The following MSRA variants were observed in gnomAD, a reference collection of about 807,000 sequenced individuals.
MSRA encodes mitochondrial peptide methionine sulfoxide reductase.
Under a neutral mutation model 31.3 loss-of-function variants are expected in MSRA, and 54 were observed. The ratio of observed to expected loss-of-function variants is 1.73; its 90% CI spans 1.39 to 2.17. The LOEUF is 2.17. Among genes scored for constraint, MSRA ranks in the 30% most tolerant of loss-of-function variants. The pLI, the probability that MSRA is intolerant of heterozygous loss-of-function variation, is 0.00. For missense variants in MSRA, 507 were observed against 300.9 expected (o/e 1.69, Z -5.07); for synonymous variants, 169 against 116.5 (o/e 1.45, Z -2.90).
chr8:10,347,719 C>T (rs978330540), intron 5 of MSRA, among the ~76,000 whole-genome samples: 7 of 152,324 alleles, frequency 4.6e-5, no homozygotes, highest in African/African-American at 1.4e-4. Flanking sequence ...CTTCAGAGCT[C>T]TCAACCGTAT....
intron 4 of MSRA, among the ~76,000 whole-genome samples, chr8:10,318,535 G>C (rs545043336): frequency 1.3e-5 from 2 of 152,278 alleles, no homozygotes; most frequent in South Asian, 2.1e-4. Context: ...ACATATAGGA[G>C]TTATTCTATC....
intron 1 of MSRA, among the ~76,000 whole-genome samples, chr8:10,072,775 C>G (rs187371656): frequency 6.6e-6 from 1 of 152,212 alleles, no homozygotes; most frequent in South Asian, 2.1e-4. Context: ...CTTCTTTCAT[C>G]AGCGTTTTGT....
At chr8:10,319,246 T>C (rs1225742415) in intron 4 of MSRA, among the ~76,000 whole-genome samples, 1 of 152,226 alleles carries the variant, frequency 6.6e-6, no homozygotes, top group Non-Finnish European at 1.5e-5. Context: ...CATGGTGGCC[T>C]ACAGGGGATC....
At chr8:10,068,279 T>C (rs1797561613) in intron 1 of MSRA, among the ~76,000 whole-genome samples, 1 of 152,248 alleles carries the variant, frequency 6.6e-6, no homozygotes, top group Non-Finnish European at 1.5e-5. Context: ...TGTCTTCTTA[T>C]CTTCTTGACA....
chr8:10,374,962 C>G (rs191619670), intron 5 of MSRA, among the ~76,000 whole-genome samples: 181 of 152,338 alleles, frequency 1.2e-3, no homozygotes, highest in Non-Finnish European at 1.8e-3. Context: ...CTTGCTCCCT[C>G]TCTCACTATG....
chr8:10,104,056 C>T (rs1799709475), intron 1 of MSRA, among the ~76,000 whole-genome samples: 2 of 152,140 alleles, frequency 1.3e-5, no homozygotes, highest in Admixed American at 1.3e-4. Flanking sequence ...AGCGTTATCT[C>T]TATTGCTAAT....
At chr8:10,328,635 A>C (rs1427252001) in intron 5 of MSRA, among the ~76,000 whole-genome samples, 1 of 152,132 alleles carries the variant, frequency 6.6e-6, no homozygotes, top group African/African-American at 2.4e-5. Flanking sequence ...CGCATGGTCT[A>C]CCAGGTCCTT....
intron 4 of MSRA, among the ~76,000 whole-genome samples, chr8:10,309,260 C>T (rs1449990706): frequency 6.6e-6 from 1 of 152,244 alleles, no homozygotes; most frequent in East Asian, 1.9e-4. Flanking sequence ...GAGTGAACCT[C>T]TGTTTCTGCA....
chr8:10,386,423 T>TA (rs1231621723), intron 5 of MSRA, among the ~76,000 whole-genome samples: 11 of 152,178 alleles, frequency 7.2e-5, no homozygotes, highest in Non-Finnish European at 1.5e-4. Context: ...GGAAGGTTTT[T>TA]ATATGATGAT....
intron 5 of MSRA, among the ~76,000 whole-genome samples, chr8:10,397,536 G>C (rs929351133): frequency 2.6e-5 from 4 of 152,218 alleles, no homozygotes; most frequent in Admixed American, 2.0e-4. Flanking sequence ...CCAGGCTTCA[G>C]GGTGCTTCTC....
intron 5 of MSRA, among the ~76,000 whole-genome samples, chr8:10,352,388 T>G (rs1036464645): frequency 6.6e-6 from 1 of 152,188 alleles, no homozygotes; most frequent in African/African-American, 2.4e-5. Context: ...GAAAGAGTTC[T>G]CCACTGTGCT....
chr8:10,244,683 G>A (rs955401928), intron 2 of MSRA, among the ~76,000 whole-genome samples: 6 of 152,106 alleles, frequency 3.9e-5, no homozygotes, highest in African/African-American at 1.4e-4. Flanking sequence ...CATTAAAATG[G>A]GTAACTTAGT....
intron 5 of MSRA, among the ~76,000 whole-genome samples, chr8:10,398,122 T>G (rs963410022): frequency 5.9e-5 from 9 of 152,240 alleles, no homozygotes; most frequent in African/African-American, 2.2e-4. Flanking sequence ...GTTGACTAAT[T>G]ACAATGGTAA....
At chr8:10,062,466 G>C (rs912215807) in intron 1 of MSRA, among the ~76,000 whole-genome samples, 1 of 152,204 alleles carries the variant, frequency 6.6e-6, no homozygotes, top group African/African-American at 2.4e-5. Context: ...ACTGAGGGCA[G>C]GAATTGACTT....
chr8:10,377,136 C>T (rs1238903343), intron 5 of MSRA, among the ~76,000 whole-genome samples: 1 of 152,252 alleles, frequency 6.6e-6, no homozygotes, highest in Non-Finnish European at 1.5e-5. Flanking sequence ...CTCTGTCCCA[C>T]TGAACGTAAT....
chr8:10,129,531 G>A (rs1165370831), intron 1 of MSRA, among the ~76,000 whole-genome samples: 1 of 152,066 alleles, frequency 6.6e-6, no homozygotes, highest in East Asian at 1.9e-4. Flanking sequence ...GGGAAACTGA[G>A]AGCACCAAGC....
At chr8:10,130,400 A>C (rs1022677621) in intron 1 of MSRA, among the ~76,000 whole-genome samples, 4 of 152,160 alleles carry the variant, frequency 2.6e-5, no homozygotes, top group African/African-American at 7.2e-5. Context: ...GGGATTCTAG[A>C]CATGTTAAGC....
chr8:10,069,002 T>A (rs1208186941), intron 1 of MSRA, among the ~76,000 whole-genome samples: 1 of 152,240 alleles, frequency 6.6e-6, no homozygotes, highest in African/African-American at 2.4e-5. Flanking sequence ...CATATTTTAT[T>A]AATACCAAAA....
chr8:10,148,381 C>A (rs1803347091), intron 1 of MSRA, among the ~76,000 whole-genome samples: 1 of 151,350 alleles, frequency 6.6e-6, no homozygotes. Context: ...GGCACGGTGG[C>A]TCATGCCTGT....
Sources: gnomAD v4.1 joint callset for allele counts (sites outside exome capture counted in the v4.1 genomes callset) on GRCh38, gnomAD v4.1.1 for gene constraint, MANE v1.5 for transcripts, NCBI Gene and HGNC (gene_info 2026-07-23, HGNC 2026-07-21) for gene names.